ATP9B: variants seen among roughly 807,000 people sequenced by gnomAD.
The protein encoded by ATP9B is ATPase phospholipid transporting 9B, also known as probable phospholipid-transporting ATPase IIB.
ATP9B carries 110 observed loss-of-function variants against 146.1 expected under a neutral mutation model. The ratio of observed to expected loss-of-function variants is 0.75; its 90% confidence interval spans 0.65 to 0.88. The LOEUF (loss-of-function observed/expected upper bound fraction) is 0.88, where lower values mean the gene tolerates loss of function less well. Ranked by LOEUF, ATP9B falls within the 40% of genes least tolerant of loss-of-function variation. ATP9B has a pLI of 0.00. For synonymous variants in ATP9B, 604 were observed against 569.7 expected (o/e 1.06, Z -0.86); for missense variants, 1,499 against 1,496.4 (o/e 1.00, Z -0.03).
At chr18:79,344,927 C>G (rs557490378) in intron 21 of ATP9B, among the ~76,000 whole-genome samples, 1 of 152,324 alleles carries the variant, frequency 6.6e-6, no homozygotes, top group Admixed American at 6.5e-5. Context: ...GCTGAGGGAA[C>G]TGTGGCACCG....
intron 3 of ATP9B, 33 bp downstream of exon 3, chr18:79,110,538 G>A: frequency 1.3e-6 from 2 of 1,578,110 alleles, no homozygotes; most frequent in Non-Finnish European, 1.7e-6. Flanking sequence ...GATGGGTTGT[G>A]TGTCAGAGAT....
intron 21 of ATP9B, among the ~76,000 whole-genome samples, chr18:79,344,714 GA>G (rs2096876793): frequency 1.3e-5 from 2 of 152,252 alleles, no homozygotes; most frequent in Non-Finnish European, 1.5e-5. Flanking sequence ...TTGAGAGCCT[GA>G]AAGCTGGGCT....
chr18:79,089,822 T>A (rs7227704), intron 1 of ATP9B, among the ~76,000 whole-genome samples: 37,965 of 152,098 alleles, frequency 0.25, 5,069 homozygotes, highest in East Asian at 0.5. Flanking sequence ...AAGTTACTCT[T>A]AATTATAGTT....
chr18:79,307,775 T>C (rs182256440), intron 15 of ATP9B, among the ~76,000 whole-genome samples: 3 of 152,368 alleles, frequency 2.0e-5, no homozygotes, highest in African/African-American at 7.2e-5. Context: ...CATCACTCTT[T>C]GATTTTTAGA....
chr18:79,106,377 C>G (rs1288674086), intron 2 of ATP9B, among the ~76,000 whole-genome samples: 1 of 152,154 alleles, frequency 6.6e-6, no homozygotes, highest in Non-Finnish European at 1.5e-5. Context: ...CTCTACTACT[C>G]AGTGAGGCTT....
At chr18:79,275,271 T>A (rs956645426) in intron 12 of ATP9B, among the ~76,000 whole-genome samples, 4 of 152,238 alleles carry the variant, frequency 2.6e-5, no homozygotes, top group African/African-American at 9.6e-5. Context: ...ACCTTGCCCC[T>A]TGCCTGCCTC....
chr18:79,129,745 T>C (rs2094346585), intron 5 of ATP9B, among the ~76,000 whole-genome samples: 2 of 151,974 alleles, frequency 1.3e-5, no homozygotes. Context: ...CAGTTTTCTT[T>C]TTTTCTTTTT....
intron 26 of ATP9B, 106 bp downstream of exon 26, chr18:79,359,568 A>G: frequency 1.2e-6 from 1 of 832,012 alleles, no homozygotes; most frequent in East Asian, 2.7e-5. Context: ...GCATTTTGTG[A>G]AAAACGATTC....
At chr18:79,161,116 C>G (rs2094874178) in intron 7 of ATP9B, among the ~76,000 whole-genome samples, 1 of 152,150 alleles carries the variant, frequency 6.6e-6, no homozygotes, top group African/African-American at 2.4e-5. Context: ...TAATGTTTCA[C>G]TGCATCATTT....
chr18:79,081,289 G>A (rs1454137628), intron 1 of ATP9B, among the ~76,000 whole-genome samples: 1 of 152,032 alleles, frequency 6.6e-6, no homozygotes, highest in Non-Finnish European at 1.5e-5. Context: ...TACCGTCTCA[G>A]TTTCAGAACT....
intron 9 of ATP9B, among the ~76,000 whole-genome samples, chr18:79,199,920 T>G (rs984603704): frequency 6.6e-6 from 1 of 152,228 alleles, no homozygotes; most frequent in Non-Finnish European, 1.5e-5. Context: ...GATAACAATG[T>G]GTTTTTCTGG....
intron 15 of ATP9B, 94 bp from the exon 16 acceptor site, chr18:79,329,047 T>C (rs1483658093): frequency 1.9e-5 from 25 of 1,313,214 alleles, no homozygotes; most frequent in Middle Eastern, 5.6e-4. Context: ...AGCTGTCTCA[T>C]GTTGGCAAGC....
chr18:79,206,082 A>G (rs991794046), intron 9 of ATP9B, among the ~76,000 whole-genome samples: 3 of 151,926 alleles, frequency 2.0e-5, no homozygotes, highest in African/African-American at 4.8e-5. Flanking sequence ...CTGGGACTAC[A>G]GGTGCCCGCC....
intron 3 of ATP9B, among the ~76,000 whole-genome samples, chr18:79,111,637 C>T (rs759407532): frequency 6.6e-6 from 1 of 152,074 alleles, no homozygotes; most frequent in Non-Finnish European, 1.5e-5. Context: ...AAGCAGTGTA[C>T]GTTTTCCTAA....
At chr18:79,353,462 C>T (rs953520701) in intron 25 of ATP9B, 1 of 152,238 alleles carries the variant, frequency 6.6e-6, no homozygotes, top group African/African-American at 2.4e-5. Flanking sequence ...TGCATTGTGT[C>T]CATAGTGTGA....
At chr18:79,320,494 G>A (rs933695208) in intron 15 of ATP9B, among the ~76,000 whole-genome samples, 8 of 152,230 alleles carry the variant, frequency 5.3e-5, no homozygotes, top group Admixed American at 3.9e-4. Context: ...GGCCAGGCCA[G>A]GGGGACAGTC....
chr18:79,215,260 A>G (rs973976795), intron 11 of ATP9B, among the ~76,000 whole-genome samples: 10 of 152,118 alleles, frequency 6.6e-5, no homozygotes, highest in African/African-American at 2.4e-4. Context: ...CACCAACCCT[A>G]TAAAGTCCTA....
rs1187880408 is a variant in ATP9B, at chr18:79,303,679, A to G, written c.1487A>G (p.Asp496Gly). The change falls in exon 14 of 30, where the codon GAT (aspartate) becomes GGT (glycine). Residue 496 changes from aspartate (D) to glycine (G), a missense_variant. Physicochemically the swap from Asp to Gly is moderately conservative, Grantham distance 94 (BLOSUM62 -1). Coordinates refer to ENST00000426216, the MANE Select transcript of ATP9B (RefSeq NM_198531.5). Reference sequence around the variant, plus strand: ...GTGTCCTATGGCGCCGACACGATGGATGAGATCCAGAGCCATGTCAGGGAC... The same window carrying G: ...GTGTCCTATGGCGCCGACACGATGGGTGAGATCCAGAGCCATGTCAGGGAC... ...GTVSYGADTM[D>G]EIQSHVRDSY... The G allele has an allele frequency of 6.2e-7, 1 of 1,614,038 alleles. No homozygotes were observed. Among genetic ancestry groups the G allele is most frequent in the South Asian group, 1.1e-5 (1 of 91,068 alleles).
chr18:79,290,579 T>G (rs533884391), intron 13 of ATP9B, among the ~76,000 whole-genome samples: 124 of 152,366 alleles, frequency 8.1e-4, no homozygotes, highest in Non-Finnish European at 1.6e-3. Flanking sequence ...AGTGAGGCAA[T>G]GCCTCGCCCT....
Sources: gnomAD v4.1 joint callset for allele counts (sites outside exome capture counted in the v4.1 genomes callset) on GRCh38, gnomAD v4.1.1 for gene constraint, MANE v1.5 for transcripts, NCBI Gene and HGNC (gene_info 2026-07-23, HGNC 2026-07-21) for gene names.